TBL1X: variants seen among roughly 807,000 people sequenced by gnomAD.
TBL1X encodes the protein transducin beta like 1 X-linked.
A neutral mutation model predicts 50.7 loss-of-function variants in TBL1X; 10 were observed. The ratio of observed to expected loss-of-function variants is 0.20; its 90% CI spans 0.12 to 0.33. The LOEUF (loss-of-function observed/expected upper bound fraction) is 0.33, where lower values mean the gene tolerates loss of function less well. Ranked by LOEUF, TBL1X falls within the 10% of genes least tolerant of loss-of-function variation. TBL1X has a pLI of 1.00. For missense variants in TBL1X, 340 were observed against 504.4 expected, an observed-to-expected ratio of 0.67 and a Z score of 3.12; for synonymous variants, 190 against 214.7, an observed-to-expected ratio of 0.88 and a Z score of 1.01.
intron 16 of TBL1X, among the ~76,000 whole-genome samples, chrX:9,713,679 C>T (rs2083262333): frequency 1.8e-5 from 2 of 111,076 alleles, no homozygotes; most frequent in Admixed American, 1.9e-4. Context: ...CTACCCACCT[C>T]GGCCTCCCAA....
chrX:9,556,189 CAAAAA>C (rs1285002463), intron 2 of TBL1X, among the ~76,000 whole-genome samples: 4 of 86,697 alleles, frequency 4.6e-5, no homozygotes, highest in Non-Finnish European at 2.4e-5. Flanking sequence ...TGTGTCTAAA[CAAAAA>C]AAAAACAAAA....
intron 1 of TBL1X, among the ~76,000 whole-genome samples, chrX:9,497,309 T>C (rs1207989397): frequency 3.9e-5 from 4 of 102,948 alleles, no homozygotes; most frequent in Non-Finnish European, 7.8e-5. Context: ...CTAGGGAGGC[T>C]GAGGCAGGAA....
chrX:9,483,686 G>A (rs774443986), intron 1 of TBL1X, among the ~76,000 whole-genome samples: 74 of 111,331 alleles, frequency 6.6e-4, no homozygotes, highest in African/African-American at 2.2e-3. Context: ...ACTCCTATGC[G>A]GGTCTCTTTG....
At chrX:9,490,142 C>T (rs2081933225) in intron 1 of TBL1X, among the ~76,000 whole-genome samples, 1 of 64,361 alleles carries the variant, frequency 1.6e-5, no homozygotes, top group African/African-American at 5.3e-5. Context: ...ACTTTTTAAA[C>T]ATTTTTTTTG....
At chrX:9,646,557 T>C (rs1334530387) in intron 3 of TBL1X, among the ~76,000 whole-genome samples, 1 of 111,764 alleles carries the variant, frequency 8.9e-6, no homozygotes, top group Non-Finnish European at 1.9e-5. Context: ...AGGTGCCCTT[T>C]AGAGGCTGAG....
intron 2 of TBL1X, among the ~76,000 whole-genome samples, chrX:9,509,223 T>TAA (rs1176219555): frequency 9.6e-6 from 1 of 104,233 alleles, no homozygotes; most frequent in East Asian, 3.0e-4. Flanking sequence ...CCGTCTCTAC[T>TAA]AAAAAAAAAT....
intron 5 of TBL1X, among the ~76,000 whole-genome samples, chrX:9,665,679 T>C (rs1427492823): frequency 2.0e-5 from 2 of 102,296 alleles, no homozygotes; most frequent in East Asian, 6.4e-4. Context: ...CTAAAGTAAT[T>C]TCTGACAGCC....
chrX:9,625,783 C>T (rs2082689297), intron 2 of TBL1X, among the ~76,000 whole-genome samples: 1 of 111,577 alleles, frequency 9.0e-6, no homozygotes, highest in African/African-American at 3.3e-5. Flanking sequence ...ACTAAAAATA[C>T]AAAAAATTAG....
chrX:9,606,961 T>A (rs1433530364), intron 2 of TBL1X, among the ~76,000 whole-genome samples: 1 of 112,419 alleles, frequency 8.9e-6, no homozygotes, highest in Non-Finnish European at 1.9e-5. Flanking sequence ...CCTACTACAG[T>A]CTTCTGTGCA....
chrX:9,529,412 G>T lies in TBL1X; in HGVS notation c.-131+27563G>T, dbSNP rs138013354. Among the ~76,000 whole-genome samples the T allele has an allele frequency of 5.8e-3, 643 of 111,723 alleles. 3 individuals are homozygous for T. The highest frequency in any genetic ancestry group is 0.02 in the African/African-American group (610 of 30,751). On this transcript the variant is annotated intron_variant, in intron 2 of 17. Transcript: ENST00000645353. Reference sequence around the variant, plus strand: ...GAGGGATGATGGCCTCATCTCCGCAGTTGCCTGGAATGCTGAATTTCAGAC... The same window carrying T: ...GAGGGATGATGGCCTCATCTCCGCATTTGCCTGGAATGCTGAATTTCAGAC...
At chrX:9,560,321 C>G (rs1274785836) in intron 2 of TBL1X, 1 of 112,355 alleles carries the variant, frequency 8.9e-6, no homozygotes, top group African/African-American at 3.2e-5. Context: ...ACATCTGGCC[C>G]AAGGATACTA....
At chrX:9,559,294 A>G (rs1257154258) in intron 2 of TBL1X, among the ~76,000 whole-genome samples, 2 of 110,889 alleles carry the variant, frequency 1.8e-5, no homozygotes, top group Non-Finnish European at 3.8e-5. Context: ...GCTATTTTGT[A>G]TGTGTTTTTG....
rs763884521 is a variant in TBL1X, at chrX:9,693,034, A to G, written c.892-115A>G. The G allele has an allele frequency of 1.6e-5, 11 of 692,295 alleles. No individual in the cohort carries two copies. The Admixed American group carries it at 1.8e-4, about 11-fold the overall frequency. The allele number at this position is 692,295 out of a possible 1,213,427, so 57.1% of individuals were successfully genotyped here. On this transcript the variant is annotated intron_variant, in intron 9 of 17. Coordinates refer to ENST00000645353, the MANE Select transcript of TBL1X (RefSeq NM_005647.4). ...ATTTTCAATTCTGTCATTAAAGAAC[A>G]CGCAGTGGCAAATGGTTCCAGTGTA...
intron 2 of TBL1X, among the ~76,000 whole-genome samples, chrX:9,527,897 T>G (rs1191865908): frequency 9.0e-6 from 1 of 110,935 alleles, no homozygotes; most frequent in South Asian, 3.9e-4. Context: ...GATCCTCCCA[T>G]GTCAGCCTCC....
At chrX:9,681,987 C>A (rs955636073) in intron 5 of TBL1X, among the ~76,000 whole-genome samples, 14 of 112,939 alleles carry the variant, frequency 1.2e-4, no homozygotes, top group African/African-American at 3.9e-4. Flanking sequence ...AGAGGAATCA[C>A]TGTGGCCCAG....
chrX:9,710,468 A>G (rs980958516), intron 15 of TBL1X, among the ~76,000 whole-genome samples: 5 of 111,464 alleles, frequency 4.5e-5, no homozygotes, highest in Non-Finnish European at 3.8e-5. Context: ...GTACTGTGAT[A>G]TAGTGTGATA....
At chrX:9,665,372 AT>A (rs2082921301) in intron 5 of TBL1X, among the ~76,000 whole-genome samples, 1 of 99,729 alleles carries the variant, frequency 1.0e-5, no homozygotes, top group Non-Finnish European at 2.0e-5. Context: ...AACGGAAGAA[AT>A]TATGACAGTG....
At chrX:9,679,047 GA>G (rs1477418348) in intron 5 of TBL1X, among the ~76,000 whole-genome samples, 1 of 108,593 alleles carries the variant, frequency 9.2e-6, no homozygotes, top group Non-Finnish European at 1.9e-5. Context: ...TTCTCCCTGG[GA>G]ATAATTTTAC....
intron 2 of TBL1X, among the ~76,000 whole-genome samples, chrX:9,614,519 C>G (rs967602059): frequency 2.9e-4 from 32 of 111,356 alleles, no homozygotes; most frequent in African/African-American, 1.0e-3. Context: ...CAGGATCATG[C>G]CACTGCACTC....
Sources: allele counts gnomAD v4.1 joint callset (sites outside exome capture counted in the v4.1 genomes callset), GRCh38; gene constraint gnomAD v4.1.1; transcripts MANE v1.5; gene names NCBI Gene and HGNC (gene_info 2026-07-23, HGNC 2026-07-21).